Variants in TNFAIP8 observed in about 807,000 individuals in gnomAD.
TNFAIP8 encodes the protein tumor necrosis factor alpha-induced protein 8.
TNFAIP8 carries 7 observed loss-of-function variants against 13.3 expected under a neutral mutation model. That is an observed-to-expected ratio of 0.52 (90% CI 0.30 to 0.99). TNFAIP8 has a LOEUF of 0.99. TNFAIP8 is among the 50% of genes least tolerant of loss of function. The pLI, the probability that TNFAIP8 is intolerant of heterozygous loss-of-function variation, is 0.07. For synonymous variants in TNFAIP8, 94 were observed against 87.6 expected, an observed-to-expected ratio of 1.07 and a Z score of -0.41; for missense variants, 258 against 236.9, an observed-to-expected ratio of 1.09 and a Z score of -0.58.
chr5:119,332,576 A>G (rs942911634), intron 1 of TNFAIP8, among the ~76,000 whole-genome samples: 9 of 152,228 alleles, frequency 5.9e-5, no homozygotes, highest in Non-Finnish European at 2.9e-5. Flanking sequence ...TGAAGATAAT[A>G]TAAGGACAGC....
exon 1 of TNFAIP8, chr5:119,268,771 T>C: frequency 1.5e-6 from 1 of 671,824 alleles, no homozygotes; most frequent in Non-Finnish European, 2.7e-6. Context: ...CTGCCTCCTT[T>C]TCTCCCGCCG....
intron 1 of TNFAIP8, among the ~76,000 whole-genome samples, chr5:119,382,765 A>T (rs1224759821): frequency 6.6e-6 from 1 of 151,926 alleles, no homozygotes; most frequent in African/African-American, 2.4e-5. Flanking sequence ...ACCCAGTCTG[A>T]CTCTAGAGCC....
chr5:119,387,464 T>C (rs896426948), intron 1 of TNFAIP8, among the ~76,000 whole-genome samples: 2 of 152,154 alleles, frequency 1.3e-5, no homozygotes, highest in African/African-American at 4.8e-5. Context: ...CCAAGTATAA[T>C]AGATTTGAGG....
intron 1 of TNFAIP8, among the ~76,000 whole-genome samples, chr5:119,314,109 G>T (rs866787100): frequency 3.3e-5 from 5 of 152,136 alleles, no homozygotes; most frequent in African/African-American, 1.2e-4. Context: ...TGAGGCAGGA[G>T]GATTACTTGA....
At chr5:119,284,283 G>A (rs1205820271) in intron 1 of TNFAIP8, among the ~76,000 whole-genome samples, 1 of 152,116 alleles carries the variant, frequency 6.6e-6, no homozygotes. Context: ...TTGCTGGAGG[G>A]CAGTAACAGA....
chr5:119,347,608 T>G (rs1750952571), intron 1 of TNFAIP8, among the ~76,000 whole-genome samples: 2 of 152,240 alleles, frequency 1.3e-5, no homozygotes, highest in South Asian at 4.1e-4. Context: ...TCTGCAGCTC[T>G]TCTTTAAGGA....
chr5:119,355,906 T>TG, upstream of TNFAIP8: 6 of 1,313,740 alleles, frequency 4.6e-6, no homozygotes, highest in Non-Finnish European at 5.9e-6. Context: ...TCGTCACTCT[T>TG]GCAGAACTTT....
intron 1 of TNFAIP8, among the ~76,000 whole-genome samples, chr5:119,371,225 G>A (rs970797479): frequency 2.6e-5 from 4 of 152,104 alleles, no homozygotes; most frequent in African/African-American, 9.7e-5. Flanking sequence ...CCCTGCATTG[G>A]ACTGTGCGTG....
chr5:119,277,803 G>T (rs1218731173), intron 1 of TNFAIP8, among the ~76,000 whole-genome samples: 1 of 152,208 alleles, frequency 6.6e-6, no homozygotes, highest in South Asian at 2.1e-4. Context: ...AGTGTCTGGT[G>T]AGGGCAGCTC....
chr5:119,319,434 C>G (rs941298509), intron 1 of TNFAIP8, among the ~76,000 whole-genome samples: 1 of 152,158 alleles, frequency 6.6e-6, no homozygotes, highest in African/African-American at 2.4e-5. Flanking sequence ...TGAGAACATT[C>G]CAACGTGTGC....
chr5:119,284,112 T>C (rs1360782280), intron 1 of TNFAIP8, among the ~76,000 whole-genome samples: 4 of 152,208 alleles, frequency 2.6e-5, no homozygotes, highest in African/African-American at 9.7e-5. Flanking sequence ...AAATAAGTTC[T>C]ATCATTATTA....
chr5:119,275,408 A>G (rs896556351), intron 1 of TNFAIP8, among the ~76,000 whole-genome samples: 4 of 152,156 alleles, frequency 2.6e-5, no homozygotes, highest in African/African-American at 9.7e-5. Flanking sequence ...TGGTTTGTAG[A>G]TACTGAACTG....
intron 1 of TNFAIP8, among the ~76,000 whole-genome samples, chr5:119,380,176 C>T (rs962843345): frequency 6.6e-6 from 1 of 152,186 alleles, no homozygotes; most frequent in East Asian, 1.9e-4. Context: ...AATAACAGGA[C>T]CAAACCAGAA....
At chr5:119,344,178 A>T (rs1314526445) in intron 1 of TNFAIP8, among the ~76,000 whole-genome samples, 3 of 152,246 alleles carry the variant, frequency 2.0e-5, no homozygotes, top group African/African-American at 7.2e-5. Context: ...CTATGCAAGC[A>T]TGGCACCAGC....
In TNFAIP8 at chr5:119,396,987, C is replaced by A. The variant is rs1162115292; in HGVS notation, c.*3606C>A. Reference sequence around the variant, plus strand: ...GCAGCCTGGGCAACAAGAACGAAACCCCGTCTCAAAAAAAAAAAAAAAAAA... The same window carrying A: ...GCAGCCTGGGCAACAAGAACGAAACACCGTCTCAAAAAAAAAAAAAAAAAA... On this transcript the variant is annotated 3_prime_UTR_variant, in exon 2 of 2. Transcript: ENST00000504771. The A allele has an allele frequency of 7.6e-6, 1 of 131,538 alleles. No homozygotes were observed. The highest frequency in any genetic ancestry group is 3.0e-5 in the African/African-American group (1 of 33,090). The allele number at this position is 131,538 out of a possible 1,614,324, so 8.1% of individuals were successfully genotyped here.
In TNFAIP8 at chr5:119,330,609, C is replaced by T. The variant is rs141562494; in HGVS notation, c.1+61702C>T. On this transcript the variant is annotated intron_variant, in intron 1 of 1. Transcript: ENST00000274456. Reference sequence around the variant, plus strand: ...TGCTTAACCTCTCTGCTCTGACACTCGCTTTGGAAACTGGGATTGCCACCC... The same window carrying T: ...TGCTTAACCTCTCTGCTCTGACACTTGCTTTGGAAACTGGGATTGCCACCC... Among the ~76,000 whole-genome samples, 101 of 152,214 alleles carry T rather than the reference C, an allele frequency of 6.6e-4. No homozygotes were observed. The East Asian group carries it at 0.018, about 27-fold the overall frequency.
intron 1 of TNFAIP8, among the ~76,000 whole-genome samples, chr5:119,323,160 A>C (rs930505311): frequency 6.6e-6 from 1 of 152,202 alleles, no homozygotes; most frequent in South Asian, 2.1e-4. Context: ...CTTAAAGGGC[A>C]GTTGCACCCC....
intron 1 of TNFAIP8, among the ~76,000 whole-genome samples, chr5:119,269,134 G>C (rs549305582): frequency 5.4e-4 from 82 of 152,354 alleles, no homozygotes; most frequent in Non-Finnish European, 1.1e-3. Flanking sequence ...CTCGGTTCCA[G>C]TGCCGCACTG....
At chr5:119,382,349 G>A (rs1263893177) in intron 1 of TNFAIP8, among the ~76,000 whole-genome samples, 2 of 152,090 alleles carry the variant, frequency 1.3e-5, no homozygotes, top group Non-Finnish European at 2.9e-5. Flanking sequence ...CCAGTCCCTG[G>A]GAGTCTTGAG....
Sources: gnomAD v4.1 joint callset for allele counts (sites outside exome capture counted in the v4.1 genomes callset) on GRCh38, gnomAD v4.1.1 for gene constraint, MANE v1.5 for transcripts, NCBI Gene and HGNC (gene_info 2026-07-23, HGNC 2026-07-21) for gene names.